CADPS2: variants seen among roughly 807,000 people sequenced by gnomAD.
CADPS2 encodes the protein calcium-dependent secretion activator 2.
Under a neutral mutation model 172.5 loss-of-function variants are expected in CADPS2, and 93 were observed. The observed-to-expected ratio is 0.54, with a 90% CI of 0.46 to 0.64. The LOEUF (loss-of-function observed/expected upper bound fraction) is 0.64. CADPS2 is among the 30% of genes least tolerant of loss of function. The probability of loss-of-function intolerance (pLI) is 0.00; values close to 1 mark genes in which losing one functional copy is unlikely to be tolerated. For synonymous variants in CADPS2, 546 were observed against 555.2 expected (o/e 0.98, Z 0.23); for missense variants, 1,420 against 1,565.9 (o/e 0.91, Z 1.57).
At chr7:122,474,571 G>T (rs1300291937) in intron 12 of CADPS2, 54 bp from the exon 13 acceptor site, 19 of 1,546,630 alleles carry the variant, frequency 1.2e-5, no homozygotes, top group Non-Finnish European at 1.6e-5. Flanking sequence ...CTTAATGATG[G>T]ACATACAAGT....
At chr7:122,646,537 A>G (rs2078577671) in intron 3 of CADPS2, among the ~76,000 whole-genome samples, 1 of 152,106 alleles carries the variant, frequency 6.6e-6, no homozygotes, top group African/African-American at 2.4e-5. Context: ...CCAAATGAAG[A>G]GAATAACGTG....
At chr7:122,883,786 G>C (rs745785365) in intron 1 of CADPS2, among the ~76,000 whole-genome samples, 4 of 152,154 alleles carry the variant, frequency 2.6e-5, no homozygotes, top group Non-Finnish European at 2.9e-5. Context: ...AAGTTAACCT[G>C]TGCTCAATGC....
chr7:122,735,198 G>A (rs1420324931), intron 2 of CADPS2, among the ~76,000 whole-genome samples: 1 of 151,946 alleles, frequency 6.6e-6, no homozygotes, highest in Non-Finnish European at 1.5e-5. Flanking sequence ...TCTATTTTGG[G>A]GCACTGCAAC....
chr7:122,500,152 T>C (rs1337043586), intron 9 of CADPS2, among the ~76,000 whole-genome samples: 2 of 152,244 alleles, frequency 1.3e-5, no homozygotes, highest in East Asian at 3.8e-4. Context: ...TCCATTTCTA[T>C]ATATTTCTCA....
In CADPS2 at chr7:122,602,319, G is replaced by C. The variant is rs150592592; in HGVS notation, c.1223+12862C>G. On this transcript the variant is annotated intron_variant, in intron 6 of 29. Coordinates refer to ENST00000449022, the MANE Select transcript of CADPS2 (RefSeq NM_017954.11). ...CAAAGAATGTCAATCTTCATCTTAC[G>C]ACCATTGCAATTTTACTGCATACAC... Among the ~76,000 whole-genome samples the C allele has an allele frequency of 4.2e-3, 640 of 151,836 alleles. 2 individuals are homozygous for C. Among genetic ancestry groups the C allele is most frequent in the African/African-American group, 0.015 (622 of 41,436 alleles).
At chr7:122,871,466 C>A (rs1415217617) in intron 1 of CADPS2, among the ~76,000 whole-genome samples, 3 of 151,204 alleles carry the variant, frequency 2.0e-5, no homozygotes, top group African/African-American at 4.9e-5. Context: ...ACAGTATTCC[C>A]CCCCACAAAA....
At chr7:122,365,261 C>T (rs2040704572) in intron 25 of CADPS2, among the ~76,000 whole-genome samples, 1 of 152,152 alleles carries the variant, frequency 6.6e-6, no homozygotes, top group African/African-American at 2.4e-5. Context: ...CTCCCTATCC[C>T]TAAAGGTCCC....
chr7:122,375,641 A>C (rs1201732484), intron 25 of CADPS2, among the ~76,000 whole-genome samples: 1 of 152,112 alleles, frequency 6.6e-6, no homozygotes, highest in Non-Finnish European at 1.5e-5. Flanking sequence ...ATAACTTAAG[A>C]CCTCAAACCA....
intron 12 of CADPS2, among the ~76,000 whole-genome samples, chr7:122,476,234 T>G (rs564789337): frequency 6.6e-4 from 101 of 152,196 alleles, no homozygotes; most frequent in African/African-American, 2.3e-3. Flanking sequence ...CTGCTAAATT[T>G]TATACCTTAT....
intron 7 of CADPS2, 21 bp from the exon 8 acceptor site, chr7:122,554,710 A>T: frequency 6.4e-7 from 1 of 1,570,534 alleles, no homozygotes; most frequent in Non-Finnish European, 8.6e-7. Context: ...AAAAAAACCC[A>T]CATTTAAACG....
At chr7:122,859,949 A>G (rs767896730) in intron 1 of CADPS2, among the ~76,000 whole-genome samples, 3 of 152,162 alleles carry the variant, frequency 2.0e-5, no homozygotes, top group East Asian at 1.9e-4. Context: ...ATACCTCTGT[A>G]TATCTCCAGT....
At chr7:122,765,527 G>T (rs2093520620) in intron 1 of CADPS2, among the ~76,000 whole-genome samples, 2 of 152,034 alleles carry the variant, frequency 1.3e-5, no homozygotes, top group Admixed American at 6.6e-5. Flanking sequence ...CTGGGCTCCA[G>T]ATCCTCCTAC....
At chr7:122,604,569 C>A (rs927358036) in intron 6 of CADPS2, among the ~76,000 whole-genome samples, 1 of 152,072 alleles carries the variant, frequency 6.6e-6, no homozygotes, top group Non-Finnish European at 1.5e-5. Context: ...TGAAGTATGA[C>A]AACACTAAAG....
intron 7 of CADPS2, among the ~76,000 whole-genome samples, chr7:122,569,886 A>T (rs1014136150): frequency 1.4e-5 from 2 of 142,630 alleles, no homozygotes; most frequent in Non-Finnish European, 3.0e-5. Context: ...TCAATTCAAG[A>T]TGGATTAAAG....
At chr7:122,320,470 C>G in intron 29 of CADPS2, 132 bp from the exon 30 acceptor site, 2 of 579,892 alleles carry the variant, frequency 3.4e-6, no homozygotes, top group Non-Finnish European at 5.5e-6. Flanking sequence ...CCATGCCAAT[C>G]ATCTTCTTGG....
chr7:122,829,942 AGAGAT>A (rs759882010), intron 1 of CADPS2, among the ~76,000 whole-genome samples: 68 of 152,288 alleles, frequency 4.5e-4, no homozygotes, highest in Admixed American at 1.2e-3. Context: ...GAAGAGCAAG[AGAGAT>A]GAGATACCTA....
At chr7:122,541,146 A>C (rs141952550) in intron 8 of CADPS2, among the ~76,000 whole-genome samples, 1 of 152,060 alleles carries the variant, frequency 6.6e-6, no homozygotes, top group East Asian at 1.9e-4. Flanking sequence ...AAAAAGCAGC[A>C]CTTTTAACTT....
chr7:122,736,207 C>T (rs1349758649), intron 2 of CADPS2, among the ~76,000 whole-genome samples: 1 of 152,076 alleles, frequency 6.6e-6, no homozygotes, highest in Non-Finnish European at 1.5e-5. Flanking sequence ...AATATTCTTG[C>T]CTCAGGTAAG....
intron 8 of CADPS2, among the ~76,000 whole-genome samples, chr7:122,518,829 A>G (rs1196722598): frequency 1.3e-5 from 2 of 152,070 alleles, no homozygotes; most frequent in Admixed American, 1.3e-4. Flanking sequence ...ACAGCATGAG[A>G]GAAGCATTTT....
Sources: gnomAD v4.1 joint callset for allele counts (sites outside exome capture counted in the v4.1 genomes callset) on GRCh38, gnomAD v4.1.1 for gene constraint, MANE v1.5 for transcripts, NCBI Gene and HGNC (gene_info 2026-07-23, HGNC 2026-07-21) for gene names.